The following PINX1 variants were observed in gnomAD, a reference collection of about 807,000 sequenced individuals.
PINX1 encodes PIN2 (TERF1) interacting telomerase inhibitor 1, also known as PIN2/TERF1-interacting telomerase inhibitor 1.
Under a neutral mutation model 25.4 loss-of-function variants are expected in PINX1, and 34 were observed. The observed-to-expected ratio is 1.34, with a 90% confidence interval of 1.02 to 1.78. The LOEUF (loss-of-function observed/expected upper bound fraction) is 1.78. Ranked by LOEUF, PINX1 falls within the 40% of genes most tolerant of loss-of-function variation. The probability of loss-of-function intolerance (pLI) is 0.00; values close to 1 mark genes in which losing one functional copy is unlikely to be tolerated. For missense variants in PINX1, 592 were observed against 404.9 expected, an observed-to-expected ratio of 1.46 and a Z score of -3.97; for synonymous variants, 197 against 147.7, an observed-to-expected ratio of 1.33 and a Z score of -2.42.
Position 10,779,688 on chromosome 8 carries a change from G to A in PINX1, c.472-13772C>T, listed in dbSNP as rs529937553. Among the ~76,000 whole-genome samples, 10 of 152,280 alleles carry A rather than the reference G, an allele frequency of 6.6e-5. No individual in the cohort carries two copies. In the East Asian group the frequency reaches 7.7e-4, roughly 12 times the overall value. On this transcript the variant is annotated intron_variant, in intron 6 of 6. Coordinates refer to ENST00000314787, the MANE Select transcript of PINX1 (RefSeq NM_017884.6). ...TTGATTCCAGGAAACTTACTGTCGG[G>A]AAGTAAAGATAAAAGATGAGTGGGG...
chr8:10,837,894 C>G (rs965010819), intron 1 of PINX1, among the ~76,000 whole-genome samples: 1 of 152,142 alleles, frequency 6.6e-6, no homozygotes, highest in Non-Finnish European at 1.5e-5. Context: ...TACTTGAGTC[C>G]TTACATAAGG....
chr8:10,789,549 C>G (rs1586154546), intron 6 of PINX1, among the ~76,000 whole-genome samples: 1 of 152,124 alleles, frequency 6.6e-6, no homozygotes, highest in East Asian at 1.9e-4. Flanking sequence ...AGCCTCTGTC[C>G]AGAGGGGAGC....
rs145889835 is a variant in PINX1 at position 10,818,628 on chromosome 8, G to A, written c.471+1565C>T. Among the ~76,000 whole-genome samples the A allele has an allele frequency of 1.2e-3, 187 of 152,300 alleles. 1 individual carries two copies. Among genetic ancestry groups the A allele is most frequent in the Middle Eastern group, 0.01 (3 of 294 alleles). On this transcript the variant is annotated intron_variant, in intron 6 of 6. Coordinates refer to ENST00000314787, the MANE Select transcript of PINX1 (RefSeq NM_017884.6). ...AGCAGGCAGAAGAGAGGATCAACGT[G>A]CAGGGATGTGGAAACGCCAGTACAG...
intron 6 of PINX1, among the ~76,000 whole-genome samples, chr8:10,766,430 C>A (rs921717791): frequency 6.6e-6 from 1 of 152,182 alleles, no homozygotes; most frequent in African/African-American, 2.4e-5. Flanking sequence ...AGGACAGGAG[C>A]CGCATTCCAC....
chr8:10,811,390 C>T (rs1586181831), intron 6 of PINX1, among the ~76,000 whole-genome samples: 2 of 152,072 alleles, frequency 1.3e-5, no homozygotes, highest in African/African-American at 4.8e-5. Flanking sequence ...GATGGTTCTA[C>T]CAGGTATATA....
In PINX1 at chr8:10,766,034, C is replaced by A; in HGVS notation, c.472-118G>T. Reference sequence around the variant, plus strand: ...GGCACCCACACCCGGCGCTCACACCCGGCACCCACACCCGGCACTTAGGAG... The same window carrying A: ...GGCACCCACACCCGGCGCTCACACCAGGCACCCACACCCGGCACTTAGGAG... On this transcript the variant is annotated intron_variant, in intron 6 of 6. Coordinates refer to ENST00000314787, the MANE Select transcript of PINX1 (RefSeq NM_017884.6). 2 of 906,526 alleles carry A rather than the reference C, an allele frequency of 2.2e-6. 1 individual carries two copies. Among genetic ancestry groups the A allele is most frequent in the Non-Finnish European group, 3.4e-6 (2 of 587,486 alleles). 56.2% of individuals were successfully genotyped at this position (906,526 alleles called of 1,614,324 possible).
rs535071036 is a variant in PINX1, at chr8:10,824,957, G to A, written c.394+1195C>T. 1.7e-4 allele frequency among the ~76,000 whole-genome samples: 26 copies of A among 152,322 alleles called. No individual in the cohort carries two copies. The South Asian group carries it at 2.3e-3, about 13-fold the overall frequency. On this transcript the variant is annotated intron_variant, in intron 5 of 6. Coordinates refer to ENST00000314787, the MANE Select transcript of PINX1 (RefSeq NM_017884.6). Reference sequence around the variant, plus strand: ...ATTCTGTTCCATAGCACGCTGGGGTGGAGAAGAACCCCAGTCAGAAGGGAT... The same window carrying A: ...ATTCTGTTCCATAGCACGCTGGGGTAGAGAAGAACCCCAGTCAGAAGGGAT...
chr8:10,834,585 A>C (rs1798337501), intron 2 of PINX1, 81 bp downstream of exon 2: 1 of 1,509,022 alleles, frequency 6.6e-7, no homozygotes, highest in Non-Finnish European at 8.8e-7. Context: ...AGTTTCTTCC[A>C]GTCTCCTAAG....
At chr8:10,791,788 T>C (rs1349454343) in intron 6 of PINX1, among the ~76,000 whole-genome samples, 1 of 152,050 alleles carries the variant, frequency 6.6e-6, no homozygotes, top group African/African-American at 2.4e-5. Context: ...GGCGGCAACC[T>C]CTCTCCAGCA....
At chr8:10,766,937 C>G (rs894085181) in intron 6 of PINX1, among the ~76,000 whole-genome samples, 1 of 152,068 alleles carries the variant, frequency 6.6e-6, no homozygotes, top group East Asian at 1.9e-4. Context: ...GAAGTGCTTT[C>G]GGGTTGAAGA....
At chr8:10,811,960 G>C (rs917700463) in intron 6 of PINX1, among the ~76,000 whole-genome samples, 3 of 152,186 alleles carry the variant, frequency 2.0e-5, no homozygotes, top group African/African-American at 7.2e-5. Context: ...TGTGGAATGA[G>C]AGGTATCACT....
rs577744378 is a variant in PINX1, at chr8:10,832,995, T to G, written c.130-11A>C. 6.4e-7 allele frequency: 1 copy of G among 1,557,550 alleles called. No individual in the cohort carries two copies. Among genetic ancestry groups the G allele is most frequent in the African/African-American group, 1.4e-5 (1 of 73,628 alleles). On this transcript the variant is annotated splice_polypyrimidine_tract_variant and intron_variant, in intron 2 of 6. Transcript: ENST00000314787. ...CTGAGCCCCTAAACCCTGTGGAGAT[T>G]AAACACAGAGAGTTAGAACATTCCT...
At chr8:10,830,112 T>C (rs1042873509) in intron 4 of PINX1, among the ~76,000 whole-genome samples, 4 of 152,240 alleles carry the variant, frequency 2.6e-5, no homozygotes, top group African/African-American at 9.6e-5. Context: ...ATATGAGTCA[T>C]TCAGTATTTT....
intron 6 of PINX1, among the ~76,000 whole-genome samples, chr8:10,804,396 G>A (rs760957280): frequency 2.0e-5 from 3 of 152,164 alleles, no homozygotes; most frequent in African/African-American, 7.2e-5. Flanking sequence ...AGCTGGGTGA[G>A]AAGAGCCCCG....
At chr8:10,783,185 C>T (rs924925641) in intron 6 of PINX1, among the ~76,000 whole-genome samples, 1 of 152,126 alleles carries the variant, frequency 6.6e-6, no homozygotes, top group Non-Finnish European at 1.5e-5. Context: ...GAGCTTTGAA[C>T]ACTTATTAAT....
intron 6 of PINX1, among the ~76,000 whole-genome samples, chr8:10,792,402 C>A (rs1361736790): frequency 6.6e-6 from 1 of 152,072 alleles, no homozygotes; most frequent in Non-Finnish European, 1.5e-5. Flanking sequence ...CACGTGCACA[C>A]CTTGCCTCCA....
chr8:10,808,657 A>C, intron 6 of PINX1, among the ~76,000 whole-genome samples: 1 of 152,222 alleles, frequency 6.6e-6, no homozygotes, highest in Non-Finnish European at 1.5e-5. Flanking sequence ...CCAAGATTTT[A>C]ACTCACGCAA....
chr8:10,800,616 C>G (rs1802236677), intron 6 of PINX1, among the ~76,000 whole-genome samples: 1 of 152,028 alleles, frequency 6.6e-6, no homozygotes, highest in African/African-American at 2.4e-5. Context: ...ATTACAGGTG[C>G]ACACCACCAC....
chr8:10,768,480 C>T (rs902354481), intron 6 of PINX1, among the ~76,000 whole-genome samples: 4 of 152,204 alleles, frequency 2.6e-5, no homozygotes, highest in African/African-American at 7.2e-5. Context: ...CTCATATGCT[C>T]ATCATCAACT....
Sources: allele counts gnomAD v4.1 joint callset (sites outside exome capture counted in the v4.1 genomes callset), GRCh38; gene constraint gnomAD v4.1.1; transcripts MANE v1.5; gene names NCBI Gene and HGNC (gene_info 2026-07-23, HGNC 2026-07-21).